The following LARGE1 variants were observed in gnomAD, a reference collection of about 807,000 sequenced individuals.
LARGE1 encodes xylosyl- and glucuronyltransferase LARGE1.
Under a neutral mutation model 87.6 loss-of-function variants are expected in LARGE1, and 43 were observed. The observed-to-expected ratio is 0.49, with a 90% CI of 0.38 to 0.63. The LOEUF (loss-of-function observed/expected upper bound fraction) is 0.63, where lower values mean the gene tolerates loss of function less well. Among genes scored for constraint, LARGE1 ranks in the 30% least tolerant of loss-of-function variants. The probability of loss-of-function intolerance (pLI) is 0.00; values close to 1 mark genes in which losing one functional copy is unlikely to be tolerated. For missense variants in LARGE1, 802 were observed against 1,000.2 expected (o/e 0.80, Z 2.67); for synonymous variants, 434 against 394.6 (o/e 1.10, Z -1.18).
chr22:33,089,473 T>C, the LARGE1 span, among the ~76,000 whole-genome samples: 2 of 150,026 alleles, frequency 1.3e-5, no homozygotes, highest in Admixed American at 1.3e-4. Context: ...CCTCTTCTTC[T>C]TCCTCTTCCT....
intron 1 of LARGE1, among the ~76,000 whole-genome samples, chr22:33,885,085 C>G (rs1218876329): frequency 6.6e-6 from 1 of 152,232 alleles, no homozygotes; most frequent in Non-Finnish European, 1.5e-5. Context: ...CATTATCATC[C>G]TCGTTTTGCC....
chr22:33,203,441 G>A (rs1924514375), intron 11 of LARGE1, among the ~76,000 whole-genome samples: 1 of 152,126 alleles, frequency 6.6e-6, no homozygotes, highest in African/African-American at 2.4e-5. Flanking sequence ...GAACCACTGA[G>A]CGGTGATCCT....
At chr22:33,081,612 A>T in the LARGE1 span, among the ~76,000 whole-genome samples, 1 of 152,128 alleles carries the variant, frequency 6.6e-6, no homozygotes, top group Non-Finnish European at 1.5e-5. Flanking sequence ...TGAGAGATTA[A>T]CCCTTTTTGA....
At chr22:33,323,093 G>A (rs1936911735) in intron 10 of LARGE1, among the ~76,000 whole-genome samples, 1 of 152,158 alleles carries the variant, frequency 6.6e-6, no homozygotes, top group South Asian at 2.1e-4. Flanking sequence ...TTGCACTCCA[G>A]CCTGGGTGAC....
At position 33,728,256 on chromosome 22, in the gene LARGE1, C is replaced by T. The variant is rs141324510; in HGVS notation, c.106+33115G>A. ...CCCACAAATTAAAAAATTTCCAGAACGGCCAGGCTCAGTGGCTCACTCCTG... is the reference window on the plus strand; with the variant it reads ...CCCACAAATTAAAAAATTTCCAGAATGGCCAGGCTCAGTGGCTCACTCCTG... On this transcript the variant is annotated intron_variant, in intron 2 of 14. Coordinates refer to ENST00000397394, the MANE Select transcript of LARGE1 (RefSeq NM_133642.5). 2.2e-3 allele frequency among the ~76,000 whole-genome samples: 327 copies of T among 152,074 alleles called. 2 individuals are homozygous for T. The highest frequency in any genetic ancestry group is 7.3e-3 in the African/African-American group (302 of 41,510).
chr22:33,214,606 G>A lies in LARGE1; in HGVS notation c.1731-47774C>T, dbSNP rs531549446. 1.4e-4 allele frequency among the ~76,000 whole-genome samples: 21 copies of A among 151,950 alleles called. No individual in the cohort carries two copies. The South Asian group carries it at 4.4e-3, about 32-fold the overall frequency. On this transcript the variant is annotated intron_variant, in intron 11 of 11. Coordinates refer to the LARGE1 transcript ENST00000608642. ...TCTCCTGGCCCTTTACAAAGCTGTG[G>A]CCAGTCGCCAGCACACTCTTCTATC...
At chr22:33,155,316 C>T in the LARGE1 span, among the ~76,000 whole-genome samples, 30 of 152,152 alleles carry the variant, frequency 2.0e-4, no homozygotes, top group Non-Finnish European at 4.4e-4. Flanking sequence ...AAGTCTGGAA[C>T]TCCCTAGAGA....
intron 2 of LARGE1, among the ~76,000 whole-genome samples, chr22:33,721,799 T>C (rs1215228018): frequency 6.6e-6 from 1 of 152,142 alleles, no homozygotes; most frequent in Admixed American, 6.5e-5. Flanking sequence ...TTGGTCTGAG[T>C]GGTATCTTTT....
intron 1 of LARGE1, among the ~76,000 whole-genome samples, chr22:33,825,403 C>T (rs1358184453): frequency 7.5e-6 from 1 of 133,428 alleles, no homozygotes. Context: ...AAGACATACC[C>T]GAGACTGGGT....
intron 12 of LARGE1, among the ~76,000 whole-genome samples, chr22:33,290,210 G>A (rs745949241): frequency 6.6e-6 from 1 of 151,902 alleles, no homozygotes; most frequent in African/African-American, 2.4e-5. Context: ...CTTTCCTCTA[G>A]AGGCAGGTCC....
intron 1 of LARGE1, among the ~76,000 whole-genome samples, chr22:33,870,677 T>G (rs1266083063): frequency 6.6e-6 from 1 of 152,102 alleles, no homozygotes; most frequent in African/African-American, 2.4e-5. Context: ...CCAGCGATTC[T>G]CCTGCCTCAA....
chr22:33,803,316 G>A (rs2086219427), intron 1 of LARGE1, among the ~76,000 whole-genome samples: 1 of 152,070 alleles, frequency 6.6e-6, no homozygotes. Context: ...CCTGATATCT[G>A]GAAATGTCTT....
intron 3 of LARGE1, among the ~76,000 whole-genome samples, chr22:33,638,528 A>G (rs2080336285): frequency 6.6e-6 from 1 of 152,130 alleles, no homozygotes; most frequent in African/African-American, 2.4e-5. Context: ...CACAATAAGG[A>G]TCTGGGCTCA....
intron 2 of LARGE1, among the ~76,000 whole-genome samples, chr22:33,742,765 C>G (rs1244768952): frequency 1.3e-5 from 2 of 152,212 alleles, no homozygotes; most frequent in African/African-American, 4.8e-5. Context: ...GCATCCCTAT[C>G]TTTCTTTCCA....
In LARGE1 at chr22:33,175,553, C is replaced by G. The variant is rs571226575; in HGVS notation, c.1731-8721G>C. On this transcript the variant is annotated intron_variant, in intron 11 of 11. Coordinates refer to the LARGE1 transcript ENST00000608642. ...CAAATCATGAGTGAACTCCCATTCA[C>G]AATTGCTACAAAGAGAATAAATTCC... Among the ~76,000 whole-genome samples the G allele has an allele frequency of 1.4e-3, 214 of 152,172 alleles. 1 individual carries two copies. Among genetic ancestry groups the G allele is most frequent in the Non-Finnish European group, 2.7e-3 (181 of 68,002 alleles).
intron 5 of LARGE1, among the ~76,000 whole-genome samples, chr22:33,592,002 G>A (rs2078853228): frequency 6.7e-6 from 1 of 149,386 alleles, no homozygotes; most frequent in South Asian, 2.2e-4. Flanking sequence ...CTTCAGCCTG[G>A]GTGACAAAGG....
intron 2 of LARGE1, among the ~76,000 whole-genome samples, chr22:33,724,487 G>A (rs996001378): frequency 3.9e-5 from 6 of 152,122 alleles, no homozygotes; most frequent in Admixed American, 6.5e-5. Flanking sequence ...GGTCACCTTC[G>A]TGCCCTCATC....
At chr22:33,679,974 G>A (rs992715813) in intron 2 of LARGE1, among the ~76,000 whole-genome samples, 1 of 152,186 alleles carries the variant, frequency 6.6e-6, no homozygotes, top group South Asian at 2.1e-4. Flanking sequence ...TTCCACAAGC[G>A]GGACACAATC....
At chr22:33,627,826 T>C (rs928506682) in intron 3 of LARGE1, among the ~76,000 whole-genome samples, 2 of 152,282 alleles carry the variant, frequency 1.3e-5, no homozygotes, top group African/African-American at 2.4e-5. Context: ...TGGCTTCATA[T>C]AGAATCTAAT....
Sources: allele counts gnomAD v4.1 joint callset (sites outside exome capture counted in the v4.1 genomes callset), GRCh38; gene constraint gnomAD v4.1.1; transcripts MANE v1.5; gene names NCBI Gene and HGNC (gene_info 2026-07-23, HGNC 2026-07-21).